The following ZNF565 variants were observed in gnomAD, a reference collection of about 807,000 sequenced individuals.
The protein encoded by ZNF565 is zinc finger protein 565.
A neutral mutation model predicts 39.4 loss-of-function variants in ZNF565; 27 were observed. That is an observed-to-expected ratio of 0.69 (90% CI 0.51 to 0.95). The LOEUF (loss-of-function observed/expected upper bound fraction) is 0.95, where lower values mean the gene tolerates loss of function less well. Among genes scored for constraint, ZNF565 ranks in the 40% least tolerant of loss-of-function variants. The pLI, the probability that ZNF565 is intolerant of heterozygous loss-of-function variation, is 0.00. For synonymous variants in ZNF565, 185 were observed against 216.6 expected, an observed-to-expected ratio of 0.85 and a Z score of 1.28; for missense variants, 524 against 621.1, an observed-to-expected ratio of 0.84 and a Z score of 1.66.
At chr19:36,242,147 C>T (rs1012879776) in intron 1 of ZNF565, among the ~76,000 whole-genome samples, 1 of 152,178 alleles carries the variant, frequency 6.6e-6, no homozygotes, top group Non-Finnish European at 1.5e-5. Context: ...CACGGTGGCT[C>T]ACGCCTGTAA....
chr19:36,215,543 C>T (rs982046103), upstream of ZNF565, among the ~76,000 whole-genome samples: 2 of 151,856 alleles, frequency 1.3e-5, no homozygotes, highest in East Asian at 3.9e-4. Context: ...CTTCCTGGAG[C>T]GTCTTTTTTA....
chr19:36,236,346 GAT>G, intron 1 of ZNF565: 5 of 1,401,756 alleles, frequency 3.6e-6, no homozygotes, highest in Non-Finnish European at 4.8e-6. Context: ...AAATGTAAGA[GAT>G]GTGGAAATAT....
chr19:36,240,167 A>G (rs1020885162), intron 1 of ZNF565, among the ~76,000 whole-genome samples: 6 of 152,212 alleles, frequency 3.9e-5, no homozygotes, highest in Non-Finnish European at 8.8e-5. Flanking sequence ...CCCTGGATGG[A>G]AAGTGTTTAA....
intron 3 of ZNF565, 184 bp from the exon 4 acceptor site, chr19:36,194,512 T>C (rs1185728000): frequency 1.9e-6 from 1 of 518,228 alleles, no homozygotes; most frequent in Non-Finnish European, 3.4e-6. Flanking sequence ...AATTTTTCAG[T>C]CACCAGAAAT....
At chr19:36,231,102 C>T (rs765636324) in intron 1 of ZNF565, among the ~76,000 whole-genome samples, 11 of 152,120 alleles carry the variant, frequency 7.2e-5, no homozygotes, top group Non-Finnish European at 1.5e-4. Context: ...CACGCGTAAA[C>T]GTGACCACAA....
Position 36,245,420 on chromosome 19 carries a change from C to A in ZNF565, c.55+56G>T. 2.8e-6 allele frequency: 2 copies of A among 701,790 alleles called. No homozygotes were observed. The highest frequency in any genetic ancestry group is 2.0e-5 in the Admixed American group (1 of 49,914). 43.5% of individuals were successfully genotyped at this position (701,790 alleles called of 1,614,324 possible). A position where few individuals can be genotyped will look rare whatever the true frequency, so the allele number is the denominator to read the frequency against. ...CGGAAAGCTCCGCGCTTACGACGCCCACCCAGAAAATCCGGATCACATTTC... is the reference window on the plus strand; with the variant it reads ...CGGAAAGCTCCGCGCTTACGACGCCAACCCAGAAAATCCGGATCACATTTC... On this transcript the variant is annotated intron_variant, in intron 1 of 4. Transcript: ENST00000355114. The surrounding 1 kb of genome is among the most constrained non-coding windows in gnomAD (Gnocchi z 4.4).
At position 36,183,107 on chromosome 19, in the gene ZNF565, C is replaced by T. The variant is rs1975145502; in HGVS notation, c.859G>A (p.Ala287Thr). The T allele has an allele frequency of 6.2e-7, 1 of 1,614,178 alleles. No individual in the cohort carries two copies. The highest frequency in any genetic ancestry group is 1.3e-5 in the African/African-American group (1 of 75,024). The change falls in exon 5 of 5, where the codon GCT (alanine) becomes ACT (threonine). Residue 287 changes from alanine to threonine, a missense_variant. Physicochemically the swap from Ala to Thr is moderately conservative, Grantham distance 58. Coordinates refer to ENST00000304116, the MANE Select transcript of ZNF565 (RefSeq NM_152477.5). ...GTGAGTTGGGAGCCACGAATGAAAG[C>T]CTTGCCACAGTCTTTACATACGTAG... is the stretch of plus-strand genomic sequence containing the variant. ...KPYVCKDCGK[A>T]FIRGSQLTVH...
intron 4 of ZNF565, among the ~76,000 whole-genome samples, chr19:36,190,759 AGGTG>A (rs2145312372): frequency 6.6e-6 from 1 of 152,040 alleles, no homozygotes; most frequent in African/African-American, 2.4e-5. Flanking sequence ...TGGGAGGCCT[AGGTG>A]GGTGGATCAC....
intron 1 of ZNF565, among the ~76,000 whole-genome samples, chr19:36,231,799 A>C (rs376557913): frequency 6.6e-6 from 1 of 152,160 alleles, no homozygotes; most frequent in Admixed American, 6.6e-5. Context: ...AATAGAGAAC[A>C]AAGGGCCAGG....
At chr19:36,206,458 AG>A (rs1976157997) in intron 1 of ZNF565, among the ~76,000 whole-genome samples, 1 of 150,696 alleles carries the variant, frequency 6.6e-6, no homozygotes, top group African/African-American at 2.5e-5. Context: ...AAAAATTTGA[AG>A]AAAAAAAAAA....
chr19:36,214,409 C>T (rs1330099069), intron 1 of ZNF565, among the ~76,000 whole-genome samples: 1 of 152,168 alleles, frequency 6.6e-6, no homozygotes, highest in African/African-American at 2.4e-5. Context: ...GACCCTGCAC[C>T]CCGATACTCT....
chr19:36,192,969 A>G (rs963490168), intron 4 of ZNF565, among the ~76,000 whole-genome samples: 4 of 146,836 alleles, frequency 2.7e-5, no homozygotes, highest in Non-Finnish European at 6.0e-5. Flanking sequence ...GGCACCCACA[A>G]CCATGCTCAG....
At chr19:36,244,976 C>T (rs1410353227) in intron 1 of ZNF565, among the ~76,000 whole-genome samples, 2 of 151,842 alleles carry the variant, frequency 1.3e-5, no homozygotes, top group African/African-American at 4.8e-5. Flanking sequence ...GACCTTTTCT[C>T]GTATTATGTG....
chr19:36,230,195 T>C (rs1272438630), intron 1 of ZNF565, among the ~76,000 whole-genome samples: 4 of 152,228 alleles, frequency 2.6e-5, no homozygotes, highest in Non-Finnish European at 5.9e-5. Context: ...TTTATAAATT[T>C]AATTGAGATA....
At chr19:36,234,404 C>T (rs991830582) in intron 1 of ZNF565, among the ~76,000 whole-genome samples, 1 of 152,182 alleles carries the variant, frequency 6.6e-6, no homozygotes, top group African/African-American at 2.4e-5. Flanking sequence ...TACCGTTTCA[C>T]ACCTTAGAAG....
At chr19:36,215,507 A>G (rs1473535597), upstream of ZNF565, among the ~76,000 whole-genome samples, 3 of 152,094 alleles carry the variant, frequency 2.0e-5, no homozygotes, top group South Asian at 2.1e-4. Flanking sequence ...CCTTGTCGAA[A>G]GTGCTGATAA....
At position 36,202,477 on chromosome 19, in the gene ZNF565, G is replaced by A. The variant is rs576289095; in HGVS notation, c.-65-427C>T. On this transcript the variant is annotated intron_variant, in intron 1 of 4. Transcript: ENST00000304116. ...GTAAGGAACCCAAAAGCAGAAAGAT[G>A]GTTTCAAGGCAGATGTGCTCCAGCA... is the stretch of plus-strand genomic sequence containing the variant. 1.1e-3 allele frequency among the ~76,000 whole-genome samples: 169 copies of A among 152,196 alleles called. 1 individual carries two copies. The highest frequency in any genetic ancestry group is 3.9e-3 in the African/African-American group (161 of 41,556).
At position 36,197,885 on chromosome 19, in the gene ZNF565, C is replaced by G. The variant is rs148115549; in HGVS notation, c.10-2729G>C. Among the ~76,000 whole-genome samples the G allele has an allele frequency of 6.9e-3, 1,047 of 152,170 alleles. 11 individuals carry two copies. Among genetic ancestry groups the G allele is most frequent in the African/African-American group, 0.024 (988 of 41,546 alleles). On this transcript the variant is annotated intron_variant, in intron 2 of 4. Coordinates refer to ENST00000304116, the MANE Select transcript of ZNF565 (RefSeq NM_152477.5). ...TCAGTAGGCCAGGCGTGGTGGCTCA[C>G]GCCTGTAATCTCAGCACTTTGGGAG...
intron 1 of ZNF565, chr19:36,236,617 C>G (rs746024987): frequency 6.2e-7 from 1 of 1,614,074 alleles, no homozygotes; most frequent in South Asian, 1.1e-5. Context: ...AGCAGTATGT[C>G]ATTAAACATC....
Sources: gnomAD v4.1 joint callset for allele counts (sites outside exome capture counted in the v4.1 genomes callset) on GRCh38, gnomAD v4.1.1 for gene constraint, Gnocchi (gnomAD v3.1) non-coding constraint, MANE v1.5 for transcripts, NCBI Gene and HGNC (gene_info 2026-07-23, HGNC 2026-07-21) for gene names.